FAM135B: variants seen among roughly 807,000 people sequenced by gnomAD.
The protein encoded by FAM135B is family with sequence similarity 135 member B.
FAM135B carries 43 observed loss-of-function variants against 127.7 expected under a neutral mutation model. The ratio of observed to expected loss-of-function variants is 0.34; its 90% CI spans 0.26 to 0.43. FAM135B has a LOEUF of 0.43. Among genes scored for constraint, FAM135B ranks in the 20% least tolerant of loss-of-function variants. FAM135B has a pLI of 1.00. For synonymous variants in FAM135B, 670 were observed against 665.1 expected, an observed-to-expected ratio of 1.01 and a Z score of -0.11; for missense variants, 1,558 against 1,725.6, an observed-to-expected ratio of 0.90 and a Z score of 1.72.
chr8:138,445,910 A>G (rs565221689), intron 1 of FAM135B, among the ~76,000 whole-genome samples: 1 of 152,144 alleles, frequency 6.6e-6, no homozygotes, highest in Non-Finnish European at 1.5e-5. Flanking sequence ...AAACCCCATC[A>G]TCTCAGCCCA....
intron 9 of FAM135B, among the ~76,000 whole-genome samples, chr8:138,187,203 A>G (rs377043778): frequency 6.6e-6 from 1 of 152,230 alleles, no homozygotes; most frequent in East Asian, 1.9e-4. Context: ...CTTACTCCCA[A>G]ACATATTTCT....
At position 138,201,228 on chromosome 8, in the gene FAM135B, G is replaced by A. The variant is rs552232194; in HGVS notation, c.670-3559C>T. ...TACCTGCCACTGTCTCACCACCTTG[G>A]TCTCATTCTGCAAAGCTTCAGGACA... On this transcript the variant is annotated intron_variant, in intron 7 of 19. Transcript: ENST00000395297. 7.2e-5 allele frequency among the ~76,000 whole-genome samples: 11 copies of A among 152,238 alleles called. No individual in the cohort carries two copies. The East Asian group carries it at 2.1e-3, about 29-fold the overall frequency.
chr8:138,215,838 A>T (rs1818501427), intron 7 of FAM135B, among the ~76,000 whole-genome samples: 1 of 152,190 alleles, frequency 6.6e-6, no homozygotes, highest in South Asian at 2.1e-4. Flanking sequence ...AAGATTAGAG[A>T]AGCCCCCAGA....
intron 2 of FAM135B, among the ~76,000 whole-genome samples, chr8:138,319,585 A>G (rs558293366): frequency 6.6e-6 from 1 of 152,314 alleles, no homozygotes; most frequent in African/African-American, 2.4e-5. Flanking sequence ...TTCAGGCAGT[A>G]TGCTGTTGTG....
intron 5 of FAM135B, among the ~76,000 whole-genome samples, chr8:138,253,720 C>A (rs959856165): frequency 1.3e-5 from 2 of 152,150 alleles, no homozygotes; most frequent in Non-Finnish European, 2.9e-5. Context: ...TGAGAGCCGC[C>A]AGACAAGACA....
chr8:138,263,328 G>T (rs370424003), intron 4 of FAM135B, among the ~76,000 whole-genome samples: 6 of 152,228 alleles, frequency 3.9e-5, no homozygotes, highest in African/African-American at 1.4e-4. Flanking sequence ...ACCCTGCAGG[G>T]AAGGAGCCTG....
chr8:138,165,245 C>T (rs555718557), intron 12 of FAM135B, among the ~76,000 whole-genome samples: 38 of 151,934 alleles, frequency 2.5e-4, no homozygotes, highest in Admixed American at 1.1e-3. Context: ...CTCAGCCTCC[C>T]GAGTAGCTGG....
At chr8:138,212,673 T>G (rs1218100742) in intron 7 of FAM135B, among the ~76,000 whole-genome samples, 1 of 152,220 alleles carries the variant, frequency 6.6e-6, no homozygotes, top group Non-Finnish European at 1.5e-5. Context: ...AATCTATCTA[T>G]TAAAACATTT....
At chr8:138,230,023 C>G (rs191337913) in intron 7 of FAM135B, among the ~76,000 whole-genome samples, 8 of 152,156 alleles carry the variant, frequency 5.3e-5, no homozygotes. Context: ...AAAGGCACCA[C>G]AGAAAGAGGT....
intron 2 of FAM135B, among the ~76,000 whole-genome samples, chr8:138,362,853 T>C (rs1830515059): frequency 1.3e-5 from 2 of 152,220 alleles, no homozygotes; most frequent in South Asian, 4.1e-4. Flanking sequence ...CTCTATCTTT[T>C]CATCTTAGTG....
At chr8:138,494,513 C>T (rs1815312980) in intron 1 of FAM135B, among the ~76,000 whole-genome samples, 1 of 152,048 alleles carries the variant, frequency 6.6e-6, no homozygotes, top group African/African-American at 2.4e-5. Context: ...TAGGAAGGGG[C>T]ATTTGAGTTG....
At chr8:138,313,464 G>T (rs1240366834) in intron 2 of FAM135B, among the ~76,000 whole-genome samples, 4 of 151,724 alleles carry the variant, frequency 2.6e-5, no homozygotes, top group Non-Finnish European at 1.5e-5. Context: ...ATTAAGCAAA[G>T]AGTTTTTAGA....
chr8:138,330,279 T>C (rs1036912196), intron 2 of FAM135B, among the ~76,000 whole-genome samples: 2 of 152,174 alleles, frequency 1.3e-5, no homozygotes, highest in Non-Finnish European at 2.9e-5. Context: ...CAGGGCAATG[T>C]CAGTCTCTGG....
chr8:138,446,311 G>A (rs971373505), intron 1 of FAM135B, among the ~76,000 whole-genome samples: 1 of 152,062 alleles, frequency 6.6e-6, no homozygotes, highest in Non-Finnish European at 1.5e-5. Flanking sequence ...CTACTTTCAA[G>A]TTCATATGGA....
rs201526750 is a variant in FAM135B, at chr8:138,393,455, G to GA, written c.-19-25454dup. On this transcript the variant is annotated intron_variant, in intron 1 of 19. Transcript: ENST00000395297. Reference sequence around the variant, plus strand: ...ATACACTCTAGGACACTGTTTTAGTGAAAAAAAAAAAAAAAATTTAAGAGT... The same window carrying GA: ...ATACACTCTAGGACACTGTTTTAGTGAAAAAAAAAAAAAAAAATTTAAGAGT... Among the ~76,000 whole-genome samples, 940 of 134,598 alleles carry GA rather than the reference G, an allele frequency of 7.0e-3. 2 individuals are homozygous for GA. The highest frequency in any genetic ancestry group is 0.018 in the East Asian group (82 of 4,574). 88.3% of individuals were successfully genotyped at this position (134,598 alleles called of 152,430 possible).
intron 7 of FAM135B, among the ~76,000 whole-genome samples, chr8:138,200,688 C>T (rs1419489902): frequency 6.6e-6 from 1 of 152,126 alleles, no homozygotes; most frequent in East Asian, 1.9e-4. Context: ...CCCATCTATG[C>T]TTTTGTATAT....
chr8:138,459,607 C>A (rs952515447), intron 1 of FAM135B: 1 of 152,226 alleles, frequency 6.6e-6, no homozygotes, highest in Non-Finnish European at 1.5e-5. Flanking sequence ...GTCAGTTTTT[C>A]TCTGTCTCAT....
chr8:138,144,997 T>C (rs1817536899), intron 15 of FAM135B, among the ~76,000 whole-genome samples: 1 of 150,900 alleles, frequency 6.6e-6, no homozygotes. Context: ...CCTATTTTAT[T>C]TTAGTTTAGT....
chr8:138,213,435 A>G (rs894809283), intron 7 of FAM135B, among the ~76,000 whole-genome samples: 1 of 152,206 alleles, frequency 6.6e-6, no homozygotes, highest in Admixed American at 6.5e-5. Context: ...CCAGAGTTAC[A>G]GGAGACAAAC....
Sources: allele counts gnomAD v4.1 joint callset (sites outside exome capture counted in the v4.1 genomes callset), GRCh38; gene constraint gnomAD v4.1.1; transcripts MANE v1.5; gene names NCBI Gene and HGNC (gene_info 2026-07-23, HGNC 2026-07-21).